The following PTPRT variants were observed in gnomAD, a reference collection of about 807,000 sequenced individuals.
PTPRT encodes protein tyrosine phosphatase receptor type T.
Under a neutral mutation model 176.8 loss-of-function variants are expected in PTPRT, and 56 were observed. The ratio of observed to expected loss-of-function variants is 0.32; its 90% CI spans 0.26 to 0.40. The LOEUF (loss-of-function observed/expected upper bound fraction) is 0.40, where lower values mean the gene tolerates loss of function less well. Ranked by LOEUF, PTPRT falls within the 10% of genes least tolerant of loss-of-function variation. The probability of loss-of-function intolerance (pLI) is 1.00; values close to 1 mark genes in which losing one functional copy is unlikely to be tolerated. For synonymous variants in PTPRT, 783 were observed against 739.0 expected, an observed-to-expected ratio of 1.06 and a Z score of -0.96; for missense variants, 1,540 against 1,908.2, an observed-to-expected ratio of 0.81 and a Z score of 3.60.
chr20:43,098,496 C>G (rs984381699), intron 1 of PTPRT, among the ~76,000 whole-genome samples: 1 of 151,922 alleles, frequency 6.6e-6, no homozygotes, highest in Non-Finnish European at 1.5e-5. Context: ...AAATAAGAAG[C>G]GCTCCCTCAT....
intron 2 of PTPRT, among the ~76,000 whole-genome samples, chr20:42,828,076 G>C (rs940971124): frequency 1.3e-5 from 2 of 152,184 alleles, no homozygotes; most frequent in Non-Finnish European, 2.9e-5. Flanking sequence ...GGAGGATTTA[G>C]AAGATGACAG....
At chr20:42,110,268 T>C (rs1355149575) in intron 23 of PTPRT, 65 bp downstream of exon 23, 1 of 1,470,462 alleles carries the variant, frequency 6.8e-7, no homozygotes, top group East Asian at 2.3e-5. Context: ...GCCAGGCTGG[T>C]CTCGAACTCC....
chr20:42,552,642 C>T (rs184371052), intron 7 of PTPRT, among the ~76,000 whole-genome samples: 3 of 152,250 alleles, frequency 2.0e-5, no homozygotes, highest in Admixed American at 2.0e-4. Flanking sequence ...CCTAGGCCAT[C>T]AACACATTCA....
intron 7 of PTPRT, among the ~76,000 whole-genome samples, chr20:42,520,051 T>C (rs961516066): frequency 4.2e-4 from 64 of 152,256 alleles, no homozygotes; most frequent in African/African-American, 1.5e-3. Context: ...CTGATATTAT[T>C]ATAACTACAC....
At chr20:43,058,259 CAGAG>C (rs1406552470) in intron 1 of PTPRT, among the ~76,000 whole-genome samples, 1 of 151,174 alleles carries the variant, frequency 6.6e-6, no homozygotes, top group Non-Finnish European at 1.5e-5. Flanking sequence ...AGAAATGAGA[CAGAG>C]AGACAAAGAG....
intron 7 of PTPRT, among the ~76,000 whole-genome samples, chr20:42,480,148 G>C (rs73273307): frequency 0.039 from 5,935 of 152,264 alleles, 310 homozygotes; most frequent in African/African-American, 0.11. Context: ...AAGAACATTG[G>C]TTCTGTGATC....
intron 1 of PTPRT, among the ~76,000 whole-genome samples, chr20:42,923,682 A>C (rs1245621453): frequency 6.6e-6 from 1 of 152,202 alleles, no homozygotes; most frequent in African/African-American, 2.4e-5. Context: ...TGAGGATCTG[A>C]AAGAGCCAGA....
At chr20:42,976,468 C>A (rs1028302933) in intron 1 of PTPRT, among the ~76,000 whole-genome samples, 7 of 151,746 alleles carry the variant, frequency 4.6e-5, no homozygotes, top group African/African-American at 1.7e-4. Context: ...TGCAGTGGTG[C>A]AATCTCGGCT....
At chr20:42,227,464 C>T (rs1485474465) in intron 15 of PTPRT, among the ~76,000 whole-genome samples, 2 of 152,156 alleles carry the variant, frequency 1.3e-5, no homozygotes, top group African/African-American at 2.4e-5. Flanking sequence ...CCTATGAACA[C>T]TTTGCCTACC....
At chr20:42,152,595 T>C (rs1399778579) in intron 17 of PTPRT, among the ~76,000 whole-genome samples, 1 of 152,252 alleles carries the variant, frequency 6.6e-6, no homozygotes, top group African/African-American at 2.4e-5. Context: ...TCAAGAAGTC[T>C]ATAGCTTAAT....
At chr20:42,607,098 AAT>A (rs2145810067) in intron 7 of PTPRT, among the ~76,000 whole-genome samples, 1 of 152,350 alleles carries the variant, frequency 6.6e-6, no homozygotes, top group South Asian at 2.1e-4. Context: ...CAAAAAGAGA[AAT>A]ATTATATAAT....
At chr20:42,126,527 C>A (rs1037682397) in intron 19 of PTPRT, among the ~76,000 whole-genome samples, 3 of 152,196 alleles carry the variant, frequency 2.0e-5, no homozygotes, top group Admixed American at 6.5e-5. Flanking sequence ...TTACTATAAA[C>A]CCTTCTTGCC....
intron 27 of PTPRT, among the ~76,000 whole-genome samples, chr20:42,097,189 C>T (rs1217656735): frequency 2.0e-5 from 3 of 152,210 alleles, no homozygotes; most frequent in Admixed American, 6.5e-5. Context: ...GCTTGCTATG[C>T]TGCCAACCAA....
rs555756441 is a variant in PTPRT at position 42,346,960 on chromosome 20, C to T, written c.1865+3668G>A. Among the ~76,000 whole-genome samples, 36 of 152,224 alleles carry T rather than the reference C, an allele frequency of 2.4e-4. No homozygotes were observed. In the Middle Eastern group the frequency reaches 0.01, roughly 43 times the overall value. The stretch of plus-strand genomic sequence containing the variant: ...TGCCCTGGTTGGTGGAGGTTTACTC[C>T]GTAGCACCCCCACAAAAGGGCCACC... On this transcript the variant is annotated intron_variant, in intron 11 of 30. Coordinates refer to ENST00000373187, the MANE Select transcript of PTPRT (RefSeq NM_007050.6).
intron 16 of PTPRT, among the ~76,000 whole-genome samples, chr20:42,175,633 T>G (rs1220988763): frequency 1.3e-5 from 2 of 152,002 alleles, no homozygotes; most frequent in Non-Finnish European, 2.9e-5. Context: ...ACTCATAAAA[T>G]GGAAAACCTA....
intron 1 of PTPRT, among the ~76,000 whole-genome samples, chr20:42,929,835 A>C (rs1979721102): frequency 6.6e-6 from 1 of 152,262 alleles, no homozygotes; most frequent in Admixed American, 6.5e-5. Context: ...CCATTCTTGA[A>C]ACCTAAGGAT....
rs115296903 is a variant in PTPRT at position 42,362,470 on chromosome 20, T to C, written c.1561-10185A>G. The stretch of plus-strand genomic sequence containing the variant: ...ATAACTGACCAGTATTCTTCAGAAG[T>C]GTCAAGGTCATAAAATATTAAAAAA... On this transcript the variant is annotated intron_variant, in intron 9 of 30. Coordinates refer to ENST00000373187, the MANE Select transcript of PTPRT (RefSeq NM_007050.6). Among the ~76,000 whole-genome samples the C allele has an allele frequency of 2.1e-3, 321 of 151,152 alleles. 2 individuals are homozygous for C. Among genetic ancestry groups the C allele is most frequent in the African/African-American group, 7.5e-3 (310 of 41,284 alleles).
At chr20:42,757,346 C>T (rs887576894) in intron 5 of PTPRT, among the ~76,000 whole-genome samples, 1 of 152,156 alleles carries the variant, frequency 6.6e-6, no homozygotes, top group East Asian at 1.9e-4. Context: ...GAATAAACAC[C>T]GCCTGGCTCA....
chr20:42,467,971 A>G (rs543660697), intron 8 of PTPRT, among the ~76,000 whole-genome samples: 2 of 152,318 alleles, frequency 1.3e-5, no homozygotes, highest in Admixed American at 6.5e-5. Flanking sequence ...AACCATCAAC[A>G]TGGTTTTCAT....
Sources: gnomAD v4.1 joint callset for allele counts (sites outside exome capture counted in the v4.1 genomes callset) on GRCh38, gnomAD v4.1.1 for gene constraint, MANE v1.5 for transcripts, NCBI Gene and HGNC (gene_info 2026-07-23, HGNC 2026-07-21) for gene names.